Variants in NCOR1 observed in about 807,000 individuals in gnomAD.
NCOR1 encodes the protein nuclear receptor corepressor 1, also known as protein phosphatase 1, regulatory subunit 109.
In NCOR1, 63 loss-of-function variants were observed where a neutral mutation model predicts 288.1. That is an observed-to-expected ratio of 0.22 (90% CI 0.18 to 0.27). NCOR1 has a LOEUF of 0.27. Ranked by LOEUF, NCOR1 falls within the 10% of genes least tolerant of loss-of-function variation. The pLI is 1.00. For missense variants in NCOR1, 2,397 were observed against 3,019.2 expected, an observed-to-expected ratio of 0.79 and a Z score of 4.83; for synonymous variants, 1,007 against 1,065.9, an observed-to-expected ratio of 0.94 and a Z score of 1.08.
intron 14 of NCOR1, among the ~76,000 whole-genome samples, chr17:16,126,471 G>A (rs1273460096): frequency 6.6e-6 from 1 of 151,976 alleles, no homozygotes; most frequent in African/African-American, 2.4e-5. Flanking sequence ...TCGGAAATCT[G>A]GGGTTGGTTC....
At chr17:16,048,812 T>C in intron 41 of NCOR1, 33 bp downstream of exon 41, 6 of 1,556,868 alleles carry the variant, frequency 3.9e-6, no homozygotes, top group Non-Finnish European at 5.2e-6. Flanking sequence ...ACCCACGCCA[T>C]GAATGGTTGC....
chr17:16,130,877 T>G (rs1445977867), intron 14 of NCOR1, among the ~76,000 whole-genome samples: 1 of 150,612 alleles, frequency 6.6e-6, no homozygotes, highest in African/African-American at 2.4e-5. Flanking sequence ...TTTGTAGAGA[T>G]GAGGTTTCAC....
chr17:16,075,498 G>T, intron 27 of NCOR1, 36 bp downstream of exon 27: 1 of 1,601,372 alleles, frequency 6.2e-7, no homozygotes, highest in South Asian at 1.1e-5. Context: ...AGCACATATT[G>T]TAATACTGGC....
chr17:16,040,989 T>A (rs1434106922), intron 42 of NCOR1: 1 of 156,596 alleles, frequency 6.4e-6, no homozygotes, highest in Admixed American at 6.4e-5. Flanking sequence ...GAACCAAGGC[T>A]TTCTGACGAA....
chr17:16,086,604 T>C (rs1355998146), intron 22 of NCOR1, among the ~76,000 whole-genome samples, 162 bp from the exon 23 acceptor site: 1 of 152,246 alleles, frequency 6.6e-6, no homozygotes, highest in Non-Finnish European at 1.5e-5. Context: ...CACGTAAGCC[T>C]GTATACATAT....
chr17:16,069,595 A>G (rs1435221324), intron 31 of NCOR1, among the ~76,000 whole-genome samples: 1 of 152,246 alleles, frequency 6.6e-6, no homozygotes, highest in Non-Finnish European at 1.5e-5. Flanking sequence ...AGTAACACCA[A>G]CAGGAATAAT....
At chr17:16,101,872 GT>G in intron 19 of NCOR1, 115 bp from the exon 20 acceptor site, 1 of 1,342,722 alleles carries the variant, frequency 7.4e-7, no homozygotes, top group Non-Finnish European at 1.0e-6. Flanking sequence ...TAGAAACCAT[GT>G]TTGAAAGTAG....
In NCOR1 at chr17:16,139,112, C is replaced by G; in HGVS notation, c.1248G>C (p.Lys416Asn). Residue 416 changes from lysine to asparagine, a missense_variant, in exon 12 of 46, where the codon AAG becomes AAC. Lys to Asn is a moderately conservative substitution (Grantham distance 94). Transcript: ENST00000268712. ...CCATAAGCCCATTCATGTTAATGAA[C>G]TTGACTCGTCTTTGTTCTGCATCAA... The part of the protein sequence containing the change: ...MMFDAEQRRV[K>N]FINMNGLMED... 2 of 1,613,690 alleles carry G rather than the reference C, an allele frequency of 1.2e-6. No homozygotes were observed. The highest frequency in any genetic ancestry group is 8.5e-7 in the Non-Finnish European group (1 of 1,179,726).
chr17:16,210,448 T>G (rs913816465), intron 1 of NCOR1, among the ~76,000 whole-genome samples: 2 of 152,206 alleles, frequency 1.3e-5, no homozygotes, highest in African/African-American at 4.8e-5. Flanking sequence ...TTTAAACCAC[T>G]GGCATAATAA....
intron 42 of NCOR1, among the ~76,000 whole-genome samples, chr17:16,042,670 C>T (rs979331582): frequency 1.3e-5 from 2 of 152,188 alleles, no homozygotes; most frequent in African/African-American, 2.4e-5. Flanking sequence ...TGGAGGCCAA[C>T]TTGACAGGAG....
intron 14 of NCOR1, among the ~76,000 whole-genome samples, chr17:16,135,043 C>T (rs1056255256): frequency 7.3e-5 from 11 of 151,328 alleles, no homozygotes; most frequent in African/African-American, 2.4e-4. Context: ...CCGGTAGTCC[C>T]AGCTACTCAG....
At chr17:16,168,636 C>T (rs2082500443) in intron 4 of NCOR1, among the ~76,000 whole-genome samples, 1 of 151,966 alleles carries the variant, frequency 6.6e-6, no homozygotes, top group Admixed American at 6.6e-5. Flanking sequence ...AGAAATCTAC[C>T]TTAAGGAAAT....
chr17:16,064,779 G>A, intron 34 of NCOR1, 91 bp downstream of exon 34: 1 of 1,286,778 alleles, frequency 7.8e-7, no homozygotes, highest in Non-Finnish European at 1.0e-6. Flanking sequence ...ACCAAATGAG[G>A]AAAAATTGCC....
intron 3 of NCOR1, among the ~76,000 whole-genome samples, chr17:16,173,298 A>G (rs1209009907): frequency 6.6e-6 from 1 of 152,178 alleles, no homozygotes; most frequent in African/African-American, 2.4e-5. Context: ...ATTATCTTAA[A>G]ATTCAGAGTG....
chr17:16,152,060 G>A (rs948466693), intron 7 of NCOR1, 62 bp from the exon 8 acceptor site: 2 of 1,151,264 alleles, frequency 1.7e-6, no homozygotes, highest in Non-Finnish European at 1.2e-6. Context: ...AAGAGACAAA[G>A]AAACATAATT....
intron 14 of NCOR1, among the ~76,000 whole-genome samples, chr17:16,133,067 C>T (rs962495063): frequency 1.1e-4 from 17 of 152,000 alleles, no homozygotes; most frequent in African/African-American, 4.1e-4. Flanking sequence ...TTCCCAGGTT[C>T]AAGCGATTTT....
intron 3 of NCOR1, among the ~76,000 whole-genome samples, chr17:16,181,211 A>ATGTATGTATGTATG (rs758395387): frequency 0.016 from 2,294 of 139,496 alleles, 23 homozygotes; most frequent in Non-Finnish European, 0.025. Flanking sequence ...ATATATATGT[A>ATGTATGTATGTATG]TGTGTGTGTG....
chr17:16,186,963 C>T lies in NCOR1; in HGVS notation c.109-276G>A, dbSNP rs117887277. Among the ~76,000 whole-genome samples, 1,139 of 152,152 alleles carry T rather than the reference C, an allele frequency of 7.5e-3. 16 individuals are homozygous for T. The highest frequency in any genetic ancestry group is 0.048 in the East Asian group (249 of 5,174). On this transcript the variant is annotated intron_variant, in intron 2 of 45. Coordinates refer to ENST00000268712, the MANE Select transcript of NCOR1 (RefSeq NM_006311.4). ...AACTCCCAATCTGTATTACTCACAT[C>T]AGTAAAATCTCAAACTCATGTGTTC... is the stretch of plus-strand genomic sequence containing the variant.
In NCOR1 at chr17:16,155,309, C is replaced by T. The variant is rs564396448; in HGVS notation, c.733-1914G>A. Among the ~76,000 whole-genome samples, 14 of 149,632 alleles carry T rather than the reference C, an allele frequency of 9.4e-5. No homozygotes were observed. The South Asian group carries it at 2.9e-3, about 32-fold the overall frequency. The stretch of plus-strand genomic sequence containing the variant: ...GAGGTTGCAGTGAGCCAAGATCGTG[C>T]CACTGCACTCCAGCCTGGGCAACAG... On this transcript the variant is annotated intron_variant, in intron 6 of 45. Transcript: ENST00000268712.
Sources: gnomAD v4.1 joint callset for allele counts (sites outside exome capture counted in the v4.1 genomes callset) on GRCh38, gnomAD v4.1.1 for gene constraint, MANE v1.5 for transcripts, NCBI Gene and HGNC (gene_info 2026-07-23, HGNC 2026-07-21) for gene names.